BEND2: variants seen among roughly 807,000 people sequenced by gnomAD.
The protein encoded by BEND2 is BEN domain containing 2.
A neutral mutation model predicts 43.8 loss-of-function variants in BEND2; 19 were observed. The observed-to-expected ratio is 0.43, with a 90% CI of 0.30 to 0.64. The LOEUF is 0.64. Ranked by LOEUF, BEND2 falls within the 30% of genes least tolerant of loss-of-function variation. The pLI, the probability that BEND2 is intolerant of heterozygous loss-of-function variation, is 0.11. For synonymous variants in BEND2, 226 were observed against 210.1 expected, an observed-to-expected ratio of 1.08 and a Z score of -0.66; for missense variants, 544 against 574.0, an observed-to-expected ratio of 0.95 and a Z score of 0.53.
At position 18,171,161 on chromosome X, in the gene BEND2, T is replaced by C. The variant is rs201014676; in HGVS notation, c.2025A>G (p.Ser675=). The stretch of plus-strand genomic sequence containing the variant: ...ACTTAGTTTTTGCCAAAGTCAGTAC[T>C]GAACATGGCATCCGTATATTTCTCC... ...RPWRNIRMPC[S]VLTLAKTKSC... is the part of the protein sequence containing the mutation. Residue 675 remains serine, a synonymous_variant, in exon 13 of 14, where the codon TCA becomes TCG. Transcript: ENST00000380033. 158 of 1,208,284 alleles carry C rather than the reference T, an allele frequency of 1.3e-4. No individual in the cohort carries two copies. In the Admixed American group the frequency reaches 3.3e-3, roughly 25 times the overall value.
chrX:18,197,532 C>T (rs35401330), intron 6 of BEND2, among the ~76,000 whole-genome samples: 17,126 of 111,498 alleles, frequency 0.15, 1,061 homozygotes, highest in East Asian at 0.34. Context: ...ACTTGTAATA[C>T]AGCATCTGAA....
chrX:18,220,811 C>T lies in BEND2; in HGVS notation c.-61G>A, dbSNP rs757596978. 2.2e-5 allele frequency: 25 copies of T among 1,114,310 alleles called. No individual in the cohort carries two copies. Among genetic ancestry groups the T allele is most frequent in the Non-Finnish European group, 2.8e-5 (23 of 820,351 alleles). The allele number at this position is 1,114,310 out of a possible 1,213,427, so 91.8% of individuals were successfully genotyped here. A position where few individuals can be genotyped will look rare whatever the true frequency, so the allele number is the denominator to read the frequency against. ...CCTGAGGCCCGAGACCTGAGGCCTA[C>T]GTCTGCGCCGCGGCTCTGAGGTAAC... On this transcript the variant is annotated 5_prime_UTR_variant, in exon 1 of 14. Coordinates refer to ENST00000380033, the MANE Select transcript of BEND2 (RefSeq NM_153346.5).
In BEND2 at chrX:18,162,958, G is replaced by A. The variant is rs1923735975; in HGVS notation, c.*2051C>T. ...AAGGCATTTTAAATGTTTATTTATTGTATCTATTTGGGAAACAAAACATTA... is the reference window on the plus strand; with the variant it reads ...AAGGCATTTTAAATGTTTATTTATTATATCTATTTGGGAAACAAAACATTA... On this transcript the variant is annotated 3_prime_UTR_variant, in exon 14 of 14. Coordinates refer to ENST00000380033, the MANE Select transcript of BEND2 (RefSeq NM_153346.5). 8.9e-6 allele frequency: 1 copy of A among 111,936 alleles called. No individual in the cohort carries two copies. Among genetic ancestry groups the A allele is most frequent in the African/African-American group, 3.2e-5 (1 of 30,883 alleles). The allele number at this position is 111,936 out of a possible 1,213,427, so 9.2% of individuals were successfully genotyped here.
chrX:18,187,201 G>C (rs760047869), intron 8 of BEND2, among the ~76,000 whole-genome samples: 1 of 111,273 alleles, frequency 9.0e-6, no homozygotes, highest in East Asian at 2.8e-4. Flanking sequence ...AAAAGATAGA[G>C]TGGCTGAATG....
chrX:18,210,985 G>T (rs978788726), intron 4 of BEND2, among the ~76,000 whole-genome samples: 1 of 111,477 alleles, frequency 9.0e-6, no homozygotes, highest in African/African-American at 3.3e-5. Context: ...AATTATAATA[G>T]ATATTAATAA....
rs139599869 is a variant in BEND2, at chrX:18,177,592, G to A, written c.1607C>T (p.Pro536Leu). 2.6e-5 allele frequency: 32 copies of A among 1,208,292 alleles called. No individual in the cohort carries two copies. The highest frequency in any genetic ancestry group is 1.8e-4 in the East Asian group (6 of 33,694). ...ACCTCTCAATGCAGCCATTTTGTTC[G>A]GGTCGAGGGATTGGCTGTCTTTCAA... Reference protein sequence around the residue: ...IHLKDSQSLDPNKMAALREYL... With the variant: ...IHLKDSQSLDLNKMAALREYL... The change falls in exon 10 of 14, where the codon CCG becomes CTG. Residue 536 changes from proline to leucine, a missense_variant. Pro to Leu is a moderately conservative substitution (Grantham distance 98). Transcript: ENST00000380033.
At chrX:18,168,649 C>T (rs1488596696) in intron 13 of BEND2, among the ~76,000 whole-genome samples, 1 of 111,411 alleles carries the variant, frequency 9.0e-6, no homozygotes, top group Non-Finnish European at 1.9e-5. Context: ...AATCTGCCTA[C>T]TAACTTCCTC....
chrX:18,174,886 T>C (rs751209120), intron 11 of BEND2, among the ~76,000 whole-genome samples: 4 of 111,194 alleles, frequency 3.6e-5, no homozygotes, highest in African/African-American at 1.3e-4. Context: ...GGGGAGGGTC[T>C]TGCTAAAATG....
chrX:18,214,767 C>T (rs780210668), intron 2 of BEND2, among the ~76,000 whole-genome samples: 35 of 84,776 alleles, frequency 4.1e-4, no homozygotes, highest in African/African-American at 1.4e-3. Context: ...GCCGAGATCA[C>T]ACCACTGCAC....
intron 11 of BEND2, 107 bp from the exon 12 acceptor site, chrX:18,174,365 T>A: frequency 1.5e-6 from 1 of 670,602 alleles, no homozygotes; most frequent in Non-Finnish European, 2.3e-6. Flanking sequence ...AGCAACTGAC[T>A]CTTTAAAAGG....
At chrX:18,202,026 AAGAG>A in intron 5 of BEND2, 86 bp from the exon 6 acceptor site, 4 of 949,476 alleles carry the variant, frequency 4.2e-6, no homozygotes, top group Non-Finnish European at 5.8e-6. Context: ...TCAAGAAAGA[AAGAG>A]AAACAGACAT....
intron 8 of BEND2, among the ~76,000 whole-genome samples, chrX:18,187,130 G>A: frequency 9.1e-6 from 1 of 110,250 alleles, no homozygotes; most frequent in Non-Finnish European, 1.9e-5. Flanking sequence ...CAAAATCGCA[G>A]GAAAAAGTCC....
Position 18,216,620 on chromosome X carries a change from T to C in BEND2, c.139A>G (p.Thr47Ala), listed in dbSNP as rs770777261. 4.2e-6 allele frequency: 5 copies of C among 1,204,747 alleles called. No homozygotes were observed. Among genetic ancestry groups the C allele is most frequent in the Non-Finnish European group, 5.6e-6 (5 of 890,578 alleles). ...NSTNDIADDS[T>A]YVTADNPTDD... ...GTGGGATTATCTGCTGTGACATAAG[T>C]GGAATCATCTGCTATGTCATTAGTG... is the stretch of plus-strand genomic sequence containing the variant. Residue 47 changes from threonine (T) to alanine (A), a missense_variant, in exon 2 of 14, where the codon ACT (threonine) becomes GCT (alanine). Coordinates refer to ENST00000380033, the MANE Select transcript of BEND2 (RefSeq NM_153346.5).
intron 8 of BEND2, among the ~76,000 whole-genome samples, chrX:18,185,563 T>C (rs397894967): frequency 2.9e-5 from 3 of 102,262 alleles, no homozygotes; most frequent in Non-Finnish European, 5.9e-5. Context: ...ATAATAATAA[T>C]AATAATAATA....
chrX:18,194,894 G>A (rs1015281064), intron 7 of BEND2, among the ~76,000 whole-genome samples: 3 of 109,513 alleles, frequency 2.7e-5, no homozygotes, highest in African/African-American at 1.0e-4. Context: ...AGTGCCTCAT[G>A]CTGATGGAAA....
chrX:18,176,170 A>G, intron 10 of BEND2, 77 bp from the exon 11 acceptor site: 1 of 957,107 alleles, frequency 1.0e-6, no homozygotes, highest in Non-Finnish European at 1.4e-6. Flanking sequence ...TTCTTTAAAC[A>G]CTGACTTTTA....
At chrX:18,207,357 G>A (rs1238187598) in intron 4 of BEND2, among the ~76,000 whole-genome samples, 1 of 111,121 alleles carries the variant, frequency 9.0e-6, no homozygotes, top group Non-Finnish European at 1.9e-5. Flanking sequence ...TACCAACATG[G>A]TGATTCTTAC....
chrX:18,183,042 C>CAAAAAAAAAAAAAAA (rs56812732), intron 8 of BEND2, among the ~76,000 whole-genome samples: 1 of 40,786 alleles, frequency 2.5e-5, no homozygotes, highest in Non-Finnish European at 4.0e-5. Flanking sequence ...ACTCTGTCTC[C>CAAAAAAAAAAAAAAA]AAAAAAAAAA....
intron 6 of BEND2, among the ~76,000 whole-genome samples, 168 bp downstream of exon 6, chrX:18,201,647 A>G (rs1317556125): frequency 9.3e-6 from 1 of 107,165 alleles, no homozygotes; most frequent in African/African-American, 3.4e-5. Flanking sequence ...GCCCGCCACC[A>G]CACCCGGCTA....
Sources: allele counts gnomAD v4.1 joint callset (sites outside exome capture counted in the v4.1 genomes callset), GRCh38; gene constraint gnomAD v4.1.1; transcripts MANE v1.5; gene names NCBI Gene and HGNC (gene_info 2026-07-23, HGNC 2026-07-21).